MAP7: variants seen among roughly 807,000 people sequenced by gnomAD.
The protein encoded by MAP7 is ensconsin.
A neutral mutation model predicts 94.8 loss-of-function variants in MAP7; 52 were observed. That is an observed-to-expected ratio of 0.55 (90% confidence interval 0.44 to 0.69). MAP7 has a LOEUF of 0.69. Among genes scored for constraint, MAP7 ranks in the 30% least tolerant of loss-of-function variants. The pLI, the probability that MAP7 is intolerant of heterozygous loss-of-function variation, is 0.00. For missense variants in MAP7, 940 were observed against 964.6 expected, an observed-to-expected ratio of 0.97 and a Z score of 0.34; for synonymous variants, 350 against 357.0, an observed-to-expected ratio of 0.98 and a Z score of 0.22.
At chr6:136,421,670 A>G (rs780477322) in intron 2 of MAP7, 31 bp downstream of exon 2, 2 of 1,567,900 alleles carry the variant, frequency 1.3e-6, no homozygotes, top group South Asian at 2.2e-5. Context: ...GATAACCTTT[A>G]TTTTCCCACA....
chr6:136,514,838 AT>A (rs1433581294), intron 1 of MAP7, among the ~76,000 whole-genome samples: 1 of 152,112 alleles, frequency 6.6e-6, no homozygotes, highest in Non-Finnish European at 1.5e-5. Flanking sequence ...GGGCCTTAGA[AT>A]TTTCAGAATG....
chr6:136,506,185 A>T (rs1386102349), intron 1 of MAP7, among the ~76,000 whole-genome samples: 1 of 152,188 alleles, frequency 6.6e-6, no homozygotes, highest in Non-Finnish European at 1.5e-5. Flanking sequence ...CCACTGATAT[A>T]CTGTATAATA....
At chr6:136,450,223 G>A (rs745928806) in intron 1 of MAP7, among the ~76,000 whole-genome samples, 1 of 152,138 alleles carries the variant, frequency 6.6e-6, no homozygotes, top group East Asian at 1.9e-4. Context: ...TTCTGTATAA[G>A]CCTTTTATCC....
At chr6:136,473,753 G>A (rs552595621) in intron 1 of MAP7, among the ~76,000 whole-genome samples, 121 of 152,174 alleles carry the variant, frequency 8.0e-4, no homozygotes, top group Non-Finnish European at 1.5e-3. Flanking sequence ...CTTTGGTTAC[G>A]AACATTTAAA....
chr6:136,491,279 G>A (rs1816515571), intron 1 of MAP7, among the ~76,000 whole-genome samples: 1 of 152,142 alleles, frequency 6.6e-6, no homozygotes, highest in Non-Finnish European at 1.5e-5. Flanking sequence ...GTCAAAAATG[G>A]ACAAGTAGGG....
At chr6:136,467,836 A>C (rs1180697189) in intron 1 of MAP7, among the ~76,000 whole-genome samples, 1 of 152,160 alleles carries the variant, frequency 6.6e-6, no homozygotes, top group Non-Finnish European at 1.5e-5. Context: ...CCAATGTGAA[A>C]AGGAAAACAC....
intron 1 of MAP7, among the ~76,000 whole-genome samples, chr6:136,543,167 G>A (rs1829461051): frequency 6.6e-6 from 1 of 152,182 alleles, no homozygotes; most frequent in East Asian, 1.9e-4. Context: ...AGTGTTTACA[G>A]CAGCATTATT....
chr6:136,377,621 A>T, intron 7 of MAP7, 134 bp downstream of exon 7: 2 of 651,708 alleles, frequency 3.1e-6, no homozygotes, highest in Non-Finnish European at 5.4e-6. Flanking sequence ...AGGGGTATGA[A>T]ACCAACACCG....
At chr6:136,504,202 G>A (rs976195613) in intron 1 of MAP7, among the ~76,000 whole-genome samples, 2 of 152,134 alleles carry the variant, frequency 1.3e-5, no homozygotes, top group Non-Finnish European at 2.9e-5. Context: ...ACAGAAATGG[G>A]CTGCAAGGGT....
chr6:136,510,699 CAT>C (rs1391113723), intron 1 of MAP7, among the ~76,000 whole-genome samples: 42 of 152,126 alleles, frequency 2.8e-4, no homozygotes, highest in Non-Finnish European at 4.4e-5. Flanking sequence ...CGACCATACT[CAT>C]ATAACTTTTA....
intron 11 of MAP7, among the ~76,000 whole-genome samples, chr6:136,361,991 T>C (rs1792929857): frequency 1.3e-5 from 2 of 152,308 alleles, no homozygotes; most frequent in Non-Finnish European, 2.9e-5. Flanking sequence ...TATGTATATA[T>C]ACACACACAC....
rs1218452125 is a variant in MAP7, at chr6:136,411,647, G to A, written c.217C>T (p.Arg73Ter). 5.1e-6 allele frequency: 8 copies of A among 1,562,790 alleles called. No individual in the cohort carries two copies. The highest frequency in any genetic ancestry group is 1.2e-5 in the South Asian group (1 of 85,066). Reference sequence around the variant, plus strand: ...AGCTGTTTCTCCCGTTCCTCACGTCGCTCCCGGGCCAGCCGCTGCCGGTCA... The same window carrying A: ...AGCTGTTTCTCCCGTTCCTCACGTCACTCCCGGGCCAGCCGCTGCCGGTCA... ...VDDRQRLARE[R>*]REEREKQLAA... is the part of the protein sequence containing the mutation. Residue 73 changes from arginine to a stop codon, truncating the protein, a stop_gained, in exon 3 of 18, where the codon CGA (arginine) becomes TGA (stop). Coordinates refer to ENST00000354570, the MANE Select transcript of MAP7 (RefSeq NM_003980.6). LOFTEE classifies it high-confidence loss of function.
chr6:136,381,578 G>A (rs916812875), intron 6 of MAP7, among the ~76,000 whole-genome samples: 1 of 152,050 alleles, frequency 6.6e-6, no homozygotes, highest in African/African-American at 2.4e-5. Flanking sequence ...TGAGGGCTTT[G>A]CTTAAGTTAA....
chr6:136,515,455 C>G (rs1824525685), intron 1 of MAP7, among the ~76,000 whole-genome samples: 1 of 152,234 alleles, frequency 6.6e-6, no homozygotes, highest in African/African-American at 2.4e-5. Flanking sequence ...CTCAGCCTAT[C>G]TAGGCTTTCA....
intron 17 of MAP7, 133 bp downstream of exon 17, chr6:136,345,723 T>C: frequency 1.3e-6 from 1 of 795,904 alleles, no homozygotes; most frequent in Non-Finnish European, 2.2e-6. Flanking sequence ...GCACAATCTC[T>C]TCCACTGTGG....
chr6:136,423,664 G>T (rs917661357), intron 1 of MAP7, among the ~76,000 whole-genome samples: 1 of 151,514 alleles, frequency 6.6e-6, no homozygotes, highest in Non-Finnish European at 1.5e-5. Flanking sequence ...TTCAGGGTTT[G>T]GGGGAGATGA....
intron 1 of MAP7, among the ~76,000 whole-genome samples, chr6:136,447,324 G>C (rs113262986): frequency 4.6e-5 from 7 of 152,262 alleles, no homozygotes; most frequent in African/African-American, 1.7e-4. Flanking sequence ...ATCTGGCAAG[G>C]CTTCTCATTT....
intron 16 of MAP7, 106 bp downstream of exon 16, chr6:136,356,586 G>C (rs1031241012): frequency 1.4e-5 from 11 of 810,518 alleles, no homozygotes; most frequent in Non-Finnish European, 1.8e-5. Flanking sequence ...AATCAATGAG[G>C]CCCCCCCCAA....
At chr6:136,515,792 T>C (rs1824628779) in intron 1 of MAP7, among the ~76,000 whole-genome samples, 1 of 152,078 alleles carries the variant, frequency 6.6e-6, no homozygotes, top group Admixed American at 6.6e-5. Flanking sequence ...AGAATAACAA[T>C]GAAAAAGTTT....
Sources: gnomAD v4.1 joint callset for allele counts (sites outside exome capture counted in the v4.1 genomes callset) on GRCh38, gnomAD v4.1.1 for gene constraint, MANE v1.5 for transcripts, NCBI Gene and HGNC (gene_info 2026-07-23, HGNC 2026-07-21) for gene names.